Variants in LAMC3 observed in about 807,000 individuals in gnomAD.
The protein encoded by LAMC3 is laminin subunit gamma-3.
Under a neutral mutation model 173.8 loss-of-function variants are expected in LAMC3, and 128 were observed. That is an observed-to-expected ratio of 0.74 (90% confidence interval 0.64 to 0.85). The LOEUF (loss-of-function observed/expected upper bound fraction) is 0.85, where lower values mean the gene tolerates loss of function less well. Among genes scored for constraint, LAMC3 ranks in the 40% least tolerant of loss-of-function variants. The pLI, the probability that LAMC3 is intolerant of heterozygous loss-of-function variation, is 0.00. For synonymous variants in LAMC3, 897 were observed against 909.1 expected (o/e 0.99, Z 0.24); for missense variants, 2,022 against 2,156.0 (o/e 0.94, Z 1.23).
In LAMC3 at chr9:131,094,365, C is replaced by T. The variant is rs1007452002; in HGVS notation, c.*2578C>T. On this transcript the variant is annotated 3_prime_UTR_variant, in exon 28 of 28. Coordinates refer to ENST00000361069, the MANE Select transcript of LAMC3 (RefSeq NM_006059.4). ...AATAATGGATGACCGGTGCCACCCCCCAACCTAATGGGAGATGGTGTTCAG... is the reference window on the plus strand; with the variant it reads ...AATAATGGATGACCGGTGCCACCCCTCAACCTAATGGGAGATGGTGTTCAG... The T allele has an allele frequency of 6.6e-6, 1 of 152,176 alleles. No homozygotes were observed. Among genetic ancestry groups the T allele is most frequent in the Non-Finnish European group, 1.5e-5 (1 of 68,074 alleles). 9.4% of individuals were successfully genotyped at this position (152,176 alleles called of 1,614,324 possible).
intron 3 of LAMC3, among the ~76,000 whole-genome samples, chr9:131,033,707 G>A (rs867523683): frequency 3.3e-5 from 5 of 152,174 alleles, no homozygotes; most frequent in Admixed American, 6.5e-5. Context: ...GAATCGAGGC[G>A]GGAGGCGGCA....
At chr9:131,048,159 C>A (rs1253408675) in intron 8 of LAMC3, among the ~76,000 whole-genome samples, 1 of 142,434 alleles carries the variant, frequency 7.0e-6, no homozygotes, top group South Asian at 2.3e-4. Flanking sequence ...CGGGTTCAGG[C>A]GATTCTCCTG....
intron 9 of LAMC3, 62 bp downstream of exon 9, chr9:131,049,192 C>G: frequency 1.1e-6 from 1 of 951,982 alleles, no homozygotes; most frequent in Non-Finnish European, 1.7e-6. Flanking sequence ...TGCTAAACAA[C>G]TTGCCGCATA....
At chr9:131,059,213 C>T (rs1454266010) in intron 12 of LAMC3, among the ~76,000 whole-genome samples, 4 of 137,632 alleles carry the variant, frequency 2.9e-5, no homozygotes, top group Admixed American at 7.4e-5. Flanking sequence ...TAAAAAAAGG[C>T]CGGGCACGGT....
intron 27 of LAMC3, among the ~76,000 whole-genome samples, chr9:131,090,784 T>C (rs1158379102): frequency 6.6e-6 from 1 of 152,102 alleles, no homozygotes; most frequent in Non-Finnish European, 1.5e-5. Context: ...CCCAGCACTT[T>C]GGGAGGCTGA....
chr9:131,086,827 T>A (rs1327455818), intron 25 of LAMC3, among the ~76,000 whole-genome samples: 1 of 151,158 alleles, frequency 6.6e-6, no homozygotes, highest in African/African-American at 2.4e-5. Context: ...GAGGTGGAGG[T>A]TGCAGTCAGC....
chr9:131,040,634 GCTGCTTCCCTGGGGTC>G (rs1834032549), intron 6 of LAMC3, among the ~76,000 whole-genome samples: 1 of 152,140 alleles, frequency 6.6e-6, no homozygotes, highest in African/African-American at 2.4e-5. Flanking sequence ...ATGGGGCCTG[GCTGCTTCCCTGGGGTC>G]CCTCTGTCCT....
chr9:131,041,612 T>G, intron 6 of LAMC3, 25 bp from the exon 7 acceptor site: 1 of 1,608,118 alleles, frequency 6.2e-7, no homozygotes, highest in Non-Finnish European at 8.5e-7. Context: ...TTGCACATTT[T>G]CCTCTTGTCC....
chr9:131,073,131 T>G (rs1427671700), intron 19 of LAMC3, 114 bp from the exon 20 acceptor site: 1 of 842,308 alleles, frequency 1.2e-6, no homozygotes, highest in East Asian at 2.4e-5. Context: ...GCCAGCTTTG[T>G]GCATTTATAA....
chr9:131,065,480 A>AG (rs1829914965), intron 13 of LAMC3, among the ~76,000 whole-genome samples: 2 of 152,226 alleles, frequency 1.3e-5, no homozygotes, highest in African/African-American at 4.8e-5. Flanking sequence ...GAGGGGGATG[A>AG]GGAAAAGGAC....
chr9:131,065,239 G>A (rs1029568394), intron 13 of LAMC3, among the ~76,000 whole-genome samples: 3 of 151,956 alleles, frequency 2.0e-5, no homozygotes, highest in Admixed American at 6.6e-5. Flanking sequence ...TTTATGCTCC[G>A]TCTATGTCCA....
intron 8 of LAMC3, among the ~76,000 whole-genome samples, chr9:131,047,590 G>A (rs967555563): frequency 2.7e-5 from 4 of 148,092 alleles, no homozygotes; most frequent in African/African-American, 9.8e-5. Flanking sequence ...AGTGGCTCAC[G>A]CCTGTAATCC....
intron 25 of LAMC3, chr9:131,085,997 G>A: frequency 1.9e-6 from 1 of 529,430 alleles, no homozygotes. Context: ...TGGCTTTCCT[G>A]CCTAAACTTC....
intron 19 of LAMC3, 82 bp downstream of exon 19, chr9:131,072,917 C>A: frequency 7.5e-7 from 1 of 1,335,402 alleles, no homozygotes; most frequent in Non-Finnish European, 1.1e-6. Flanking sequence ...ACCTGGTGAC[C>A]TTGGGTATGA....
Position 131,061,225 on chromosome 9 carries a change from TA to T in LAMC3, c.2347+4del. Reference sequence around the variant, plus strand: ...CCCACTGCCCCCCGGGCCAGAGAGGTAAGTGACTCCTGCCCCGGAGCCCTGC... The same window carrying T: ...CCCACTGCCCCCCGGGCCAGAGAGGTAGTGACTCCTGCCCCGGAGCCCTGC... On this transcript the variant is annotated splice_donor_region_variant and intron_variant, in intron 13 of 27. Transcript: ENST00000361069. The T allele has an allele frequency of 1.2e-6, 2 of 1,604,136 alleles. No individual in the cohort carries two copies.
At chr9:131,056,708 A>G (rs1834412946) in intron 11 of LAMC3, among the ~76,000 whole-genome samples, 1 of 152,104 alleles carries the variant, frequency 6.6e-6, no homozygotes, top group Admixed American at 6.5e-5. Flanking sequence ...TGGTGGGATC[A>G]CTGGAGACTA....
rs888508924 is a variant in LAMC3 at position 131,009,376 on chromosome 9, C to T, written c.162C>T (p.Cys54=). The T allele has an allele frequency of 1.6e-5, 24 of 1,526,346 alleles. No homozygotes were observed. Among genetic ancestry groups the T allele is most frequent in the South Asian group, 9.7e-5 (8 of 82,644 alleles). The allele number at this position is 1,526,346 out of a possible 1,614,324, so 94.6% of individuals were successfully genotyped here. A position where few individuals can be genotyped will look rare whatever the true frequency, so the allele number is the denominator to read the frequency against. Residue 54 remains cysteine, a synonymous_variant, in exon 1 of 28, where the codon TGC becomes TGT. Coordinates refer to ENST00000361069, the MANE Select transcript of LAMC3 (RefSeq NM_006059.4). This position sits in a 1 kb window ranked among gnomAD's most constrained non-coding sequence, Gnocchi z 4.3. ...FGRLAQASHT[C]GSPPEDFCPH... ...GGCTCGCCCAGGCCTCGCACACGTG[C>T]GGCAGCCCGCCCGAGGACTTCTGTC... is the stretch of plus-strand genomic sequence containing the variant.
At chr9:131,069,907 C>T (rs1830011229) in intron 17 of LAMC3, 57 bp downstream of exon 17, 1 of 1,511,884 alleles carries the variant, frequency 6.6e-7, no homozygotes, top group Admixed American at 2.0e-5. Context: ...CAGCAAGTGC[C>T]AGCTCTATGC....
In LAMC3 at chr9:131,022,737, C is replaced by CTTAT. The variant is rs1336008428; in HGVS notation, c.374-3533_374-3530dup. Among the ~76,000 whole-genome samples, 5 of 151,754 alleles carry CTTAT rather than the reference C, an allele frequency of 3.3e-5. No homozygotes were observed. In the East Asian group the frequency reaches 9.7e-4, roughly 29 times the overall value. ...CGCCCAGCTAATTTTTTAATTTGTT[C>CTTAT]TTATTTATTTATTTATTTTTTGTAG... is the stretch of plus-strand genomic sequence containing the variant. On this transcript the variant is annotated intron_variant, in intron 1 of 27. Transcript: ENST00000361069.
Sources: gnomAD v4.1 joint callset for allele counts (sites outside exome capture counted in the v4.1 genomes callset) on GRCh38, gnomAD v4.1.1 for gene constraint, Gnocchi (gnomAD v3.1) non-coding constraint, MANE v1.5 for transcripts, NCBI Gene and HGNC (gene_info 2026-07-23, HGNC 2026-07-21) for gene names.